The following KCNMB2 variants were observed in gnomAD, a reference collection of about 807,000 sequenced individuals.
KCNMB2 encodes the protein calcium-activated potassium channel subunit beta-2.
A neutral mutation model predicts 24.5 loss-of-function variants in KCNMB2; 9 were observed. That is an observed-to-expected ratio of 0.37 (90% confidence interval 0.22 to 0.64). KCNMB2 has a LOEUF of 0.64. Among genes scored for constraint, KCNMB2 ranks in the 30% least tolerant of loss-of-function variants. KCNMB2 has a pLI of 0.63. For synonymous variants in KCNMB2, 109 were observed against 104.4 expected (o/e 1.04, Z -0.27); for missense variants, 226 against 284.3 (o/e 0.79, Z 1.47).
intron 1 of KCNMB2, among the ~76,000 whole-genome samples, chr3:178,568,226 A>T (rs559769768): frequency 6.6e-6 from 1 of 152,288 alleles, no homozygotes; most frequent in Admixed American, 6.5e-5. Flanking sequence ...AATCACAGAC[A>T]GAAAGAAAAA....
intron 4 of KCNMB2, among the ~76,000 whole-genome samples, chr3:178,841,136 T>A (rs1207049250): frequency 6.6e-6 from 1 of 152,232 alleles, no homozygotes; most frequent in East Asian, 1.9e-4. Context: ...AGTTCAAAGT[T>A]CCACATATTT....
At chr3:178,842,124 A>G (rs959971658) in intron 4 of KCNMB2, among the ~76,000 whole-genome samples, 2 of 152,138 alleles carry the variant, frequency 1.3e-5, no homozygotes, top group African/African-American at 4.8e-5. Flanking sequence ...CTGTTTTTTT[A>G]TGACAGTTGC....
At chr3:178,616,784 C>T (rs1013430466) in intron 1 of KCNMB2, among the ~76,000 whole-genome samples, 3 of 152,098 alleles carry the variant, frequency 2.0e-5, no homozygotes, top group South Asian at 4.2e-4. Flanking sequence ...AATCCCATTT[C>T]GTAGATGGAA....
chr3:178,689,303 G>T (rs547606986), intron 1 of KCNMB2, among the ~76,000 whole-genome samples: 169 of 152,146 alleles, frequency 1.1e-3, no homozygotes, highest in Non-Finnish European at 2.0e-3. Context: ...GTTAAAAAGG[G>T]TGTTACCAGC....
At chr3:178,624,603 T>C (rs1445027293) in intron 1 of KCNMB2, among the ~76,000 whole-genome samples, 249 of 151,562 alleles carry the variant, frequency 1.6e-3, no homozygotes, top group African/African-American at 5.8e-3. Context: ...TCTTTCTTTT[T>C]TTTTTTTTTT....
chr3:178,679,047 G>GTTT (rs368633480), intron 1 of KCNMB2, among the ~76,000 whole-genome samples: 6 of 150,216 alleles, frequency 4.0e-5, no homozygotes, highest in African/African-American at 1.2e-4. Flanking sequence ...TTTGTTTTTT[G>GTTT]TTTTGTTTTT....
At chr3:178,603,680 A>G (rs540130653) in intron 1 of KCNMB2, among the ~76,000 whole-genome samples, 7 of 152,290 alleles carry the variant, frequency 4.6e-5, no homozygotes, top group African/African-American at 1.7e-4. Flanking sequence ...GACCATAGGG[A>G]GAGCATGTTA....
chr3:178,602,976 C>T (rs1438852274), intron 1 of KCNMB2, among the ~76,000 whole-genome samples: 1 of 152,106 alleles, frequency 6.6e-6, no homozygotes, highest in Non-Finnish European at 1.5e-5. Context: ...TCTTCCAAAA[C>T]AGGTGGCCAT....
intron 1 of KCNMB2, among the ~76,000 whole-genome samples, chr3:178,564,202 C>T (rs1032655595): frequency 2.0e-5 from 3 of 151,886 alleles, no homozygotes; most frequent in African/African-American, 4.8e-5. Context: ...CGCTTCAACC[C>T]GGGAGGCGGA....
At chr3:178,592,282 G>A (rs185943829) in intron 1 of KCNMB2, among the ~76,000 whole-genome samples, 8 of 152,210 alleles carry the variant, frequency 5.3e-5, no homozygotes, top group Non-Finnish European at 7.4e-5. Flanking sequence ...GTTTGACTGC[G>A]TTATTTCAGA....
At chr3:178,632,140 C>T (rs1047111143) in intron 1 of KCNMB2, among the ~76,000 whole-genome samples, 6 of 152,192 alleles carry the variant, frequency 3.9e-5, no homozygotes, top group Admixed American at 1.3e-4. Flanking sequence ...AGGAAATGTA[C>T]ATATCTCAAC....
At chr3:178,563,975 G>T (rs1181118752) in intron 1 of KCNMB2, among the ~76,000 whole-genome samples, 3 of 152,148 alleles carry the variant, frequency 2.0e-5, no homozygotes, top group Non-Finnish European at 4.4e-5. Context: ...CATCTGCAAA[G>T]TATTTTTAAA....
chr3:178,739,214 G>A (rs1723415858), intron 1 of KCNMB2, among the ~76,000 whole-genome samples: 1 of 152,012 alleles, frequency 6.6e-6, no homozygotes, highest in South Asian at 2.1e-4. Flanking sequence ...TTTAGGCTCT[G>A]TCACTTAACC....
intron 4 of KCNMB2, among the ~76,000 whole-genome samples, chr3:178,836,439 G>C (rs751347466): frequency 1.3e-5 from 2 of 152,088 alleles, no homozygotes; most frequent in African/African-American, 2.4e-5. Context: ...AGGTTTTTCA[G>C]CTGGGAAAGG....
At chr3:178,541,147 A>G (rs1715602323) in intron 1 of KCNMB2, among the ~76,000 whole-genome samples, 1 of 152,160 alleles carries the variant, frequency 6.6e-6, no homozygotes, top group South Asian at 2.1e-4. Context: ...ATTTATCAAG[A>G]TGGTTTTCTT....
At chr3:178,590,538 G>A (rs568173463) in intron 1 of KCNMB2, among the ~76,000 whole-genome samples, 1 of 152,162 alleles carries the variant, frequency 6.6e-6, no homozygotes, top group Admixed American at 6.5e-5. Flanking sequence ...CTACCACTTG[G>A]AAATAATAAT....
At chr3:178,778,797 C>T (rs1712704343) in intron 1 of KCNMB2, among the ~76,000 whole-genome samples, 1 of 152,272 alleles carries the variant, frequency 6.6e-6, no homozygotes, top group Non-Finnish European at 1.5e-5. Context: ...CGTTTCCTTA[C>T]CACCACCTGC....
At chr3:178,781,067 A>G (rs1260181329) in intron 1 of KCNMB2, among the ~76,000 whole-genome samples, 1 of 152,184 alleles carries the variant, frequency 6.6e-6, no homozygotes, top group African/African-American at 2.4e-5. Flanking sequence ...TATACCATTA[A>G]TTCTTTTTAT....
intron 1 of KCNMB2, among the ~76,000 whole-genome samples, chr3:178,737,831 T>C (rs2108373898): frequency 6.6e-6 from 1 of 152,342 alleles, no homozygotes. Context: ...TTAGAACTTT[T>C]CTAAGTGGAT....
Sources: allele counts gnomAD v4.1 joint callset (sites outside exome capture counted in the v4.1 genomes callset), GRCh38; gene constraint gnomAD v4.1.1; transcripts MANE v1.5; gene names NCBI Gene and HGNC (gene_info 2026-07-23, HGNC 2026-07-21).